Variants in TNS3 observed in about 807,000 individuals in gnomAD.
TNS3 encodes the protein tensin 3.
TNS3 carries 45 observed loss-of-function variants against 140.9 expected under a neutral mutation model. The observed-to-expected ratio is 0.32, with a 90% CI of 0.25 to 0.41. The LOEUF (loss-of-function observed/expected upper bound fraction) is 0.41. Among genes scored for constraint, TNS3 ranks in the 10% least tolerant of loss-of-function variants. The pLI, the probability that TNS3 is intolerant of heterozygous loss-of-function variation, is 1.00. For missense variants in TNS3, 1,716 were observed against 1,906.7 expected (o/e 0.90, Z 1.86); for synonymous variants, 815 against 788.4 (o/e 1.03, Z -0.56).
At chr7:47,465,457 C>T (rs1361387851) in intron 4 of TNS3, among the ~76,000 whole-genome samples, 1 of 152,184 alleles carries the variant, frequency 6.6e-6, no homozygotes, top group Non-Finnish European at 1.5e-5. Flanking sequence ...CACAATGCCC[C>T]TGTGAAGTAG....
chr7:47,388,838 G>C (rs1353505812), intron 16 of TNS3, among the ~76,000 whole-genome samples: 1 of 151,766 alleles, frequency 6.6e-6, no homozygotes, highest in Non-Finnish European at 1.5e-5. Flanking sequence ...CTGCACTCCA[G>C]CCTGGGTCTC....
intron 20 of TNS3, among the ~76,000 whole-genome samples, chr7:47,313,042 A>C (rs1787196592): frequency 6.6e-6 from 1 of 152,212 alleles, no homozygotes; most frequent in Admixed American, 6.5e-5. Flanking sequence ...GACCATGTGC[A>C]AATTACTACT....
intron 4 of TNS3, chr7:47,470,402 T>C: frequency 1.1e-6 from 1 of 949,126 alleles, no homozygotes; most frequent in Non-Finnish European, 1.3e-6. Context: ...ATGTGACCAC[T>C]CTAGAATCTG....
intron 3 of TNS3, among the ~76,000 whole-genome samples, chr7:47,502,048 G>A (rs1798246467): frequency 6.6e-6 from 1 of 152,150 alleles, no homozygotes; most frequent in South Asian, 2.1e-4. Context: ...ACAAACCTCA[G>A]CTCCATTTCT....
At chr7:47,396,951 C>T in intron 15 of TNS3, 47 bp from the exon 16 acceptor site, 1 of 1,411,650 alleles carries the variant, frequency 7.1e-7, no homozygotes, top group South Asian at 1.2e-5. Flanking sequence ...AAACCCATCA[C>T]CTCCATCCAA....
chr7:47,354,020 C>T (rs898339197), intron 17 of TNS3, among the ~76,000 whole-genome samples: 8 of 151,850 alleles, frequency 5.3e-5, no homozygotes, highest in Admixed American at 3.9e-4. Context: ...CACACACACA[C>T]ACACACACAC....
At chr7:47,576,939 T>A (rs1476761114) in intron 1 of TNS3, among the ~76,000 whole-genome samples, 1 of 152,238 alleles carries the variant, frequency 6.6e-6, no homozygotes. Context: ...TCCCGAGGAC[T>A]TTCTTTCTTT....
At chr7:47,367,820 C>A (rs1211019731) in intron 17 of TNS3, among the ~76,000 whole-genome samples, 1 of 152,208 alleles carries the variant, frequency 6.6e-6, no homozygotes, top group Non-Finnish European at 1.5e-5. Context: ...ACCACCACGG[C>A]CAACTCTGAC....
rs1562745000 is a variant in TNS3 at position 47,275,433 on chromosome 7, T to C, written c.*2643A>G. 1 of 167,764 alleles carries C rather than the reference T, an allele frequency of 6.0e-6. No individual in the cohort carries two copies. The highest frequency in any genetic ancestry group is 2.4e-5 in the African/African-American group (1 of 41,768). 10.4% of individuals were successfully genotyped at this position (167,764 alleles called of 1,614,324 possible). On this transcript the variant is annotated 3_prime_UTR_variant, in exon 31 of 31. Coordinates refer to ENST00000311160, the MANE Select transcript of TNS3 (RefSeq NM_022748.12). ...TGAGTAGTTAGTAGGACCCTGGCTA[T>C]AACATGCGTTGGGCACAGTTCGTGA...
chr7:47,318,378 A>G (rs1787533086), intron 20 of TNS3, among the ~76,000 whole-genome samples: 1 of 152,212 alleles, frequency 6.6e-6, no homozygotes, highest in Non-Finnish European at 1.5e-5. Context: ...GCGAACAGTT[A>G]CATTTTCTCC....
intron 1 of TNS3, among the ~76,000 whole-genome samples, chr7:47,573,862 A>G (rs1247440045): frequency 6.6e-6 from 1 of 152,208 alleles, no homozygotes. Context: ...CAAGGAGGGG[A>G]AAACGACAGC....
intron 1 of TNS3, among the ~76,000 whole-genome samples, chr7:47,550,003 C>T (rs116516312): frequency 0.021 from 2,915 of 137,566 alleles, 104 homozygotes; most frequent in African/African-American, 0.073. Flanking sequence ...GCCTTGGTCT[C>T]CTCTCCCCTC....
intron 9 of TNS3, 33 bp from the exon 10 acceptor site, chr7:47,424,217 T>C: frequency 6.2e-7 from 1 of 1,609,726 alleles, no homozygotes; most frequent in South Asian, 1.1e-5. Context: ...GAGAGTTAAC[T>C]CAGTGGAGCC....
At chr7:47,401,749 G>A (rs1260357517) in intron 13 of TNS3, among the ~76,000 whole-genome samples, 3 of 152,242 alleles carry the variant, frequency 2.0e-5, no homozygotes, top group African/African-American at 7.2e-5. Flanking sequence ...GGCATCATTG[G>A]AAGGGTTCTC....
intron 1 of TNS3, among the ~76,000 whole-genome samples, chr7:47,567,931 T>C (rs1182998467): frequency 2.6e-5 from 4 of 152,176 alleles, no homozygotes; most frequent in South Asian, 4.2e-4. Context: ...ACATGACTTA[T>C]TCTGCCAGTC....
At chr7:47,556,886 C>A (rs1212600476) in intron 1 of TNS3, among the ~76,000 whole-genome samples, 1 of 152,192 alleles carries the variant, frequency 6.6e-6, no homozygotes, top group East Asian at 1.9e-4. Context: ...TGGCACCTGG[C>A]GATTCTCAAT....
At position 47,407,537 on chromosome 7, in the gene TNS3, G is replaced by A. The variant is rs748885457; in HGVS notation, c.723+4190C>T. ...TGGGCCGTCAATGGCACCTGACTGC[G>A]CTAGTAATCTTACTAAACTTTCTAG... On this transcript the variant is annotated intron_variant, in intron 13 of 30. Transcript: ENST00000311160. This position sits in a 1 kb window ranked among gnomAD's most constrained non-coding sequence, Gnocchi z 4.1. Among the ~76,000 whole-genome samples, 44 of 152,212 alleles carry A rather than the reference G, an allele frequency of 2.9e-4. No homozygotes were observed. Among genetic ancestry groups the A allele is most frequent in the Non-Finnish European group, 5.1e-4 (35 of 68,040 alleles).
chr7:47,427,067 A>G (rs1442270720), intron 9 of TNS3, among the ~76,000 whole-genome samples: 1 of 147,874 alleles, frequency 6.8e-6, no homozygotes. Context: ...CAGAGGTGGC[A>G]GTAAGCCAAG....
chr7:47,289,612 A>G (rs1785591792), intron 27 of TNS3, among the ~76,000 whole-genome samples: 1 of 152,240 alleles, frequency 6.6e-6, no homozygotes, highest in African/African-American at 2.4e-5. Context: ...GCAATAAACA[A>G]GTAAAATTTG....
Sources: allele counts gnomAD v4.1 joint callset (sites outside exome capture counted in the v4.1 genomes callset), GRCh38; gene constraint gnomAD v4.1.1; non-coding constraint Gnocchi (gnomAD v3.1); transcripts MANE v1.5; gene names NCBI Gene and HGNC (gene_info 2026-07-23, HGNC 2026-07-21).